Variants in AP1G1 observed in about 807,000 individuals in gnomAD.
AP1G1 encodes adaptor related protein complex 1 subunit gamma 1.
A neutral mutation model predicts 108.3 loss-of-function variants in AP1G1; 7 were observed. The observed-to-expected ratio is 0.06, with a 90% CI of 0.04 to 0.12. The LOEUF (loss-of-function observed/expected upper bound fraction) is 0.12, where lower values mean the gene tolerates loss of function less well. Among genes scored for constraint, AP1G1 ranks in the 10% least tolerant of loss-of-function variants. The pLI is 1.00. For missense variants in AP1G1, 756 were observed against 1,010.7 expected, an observed-to-expected ratio of 0.75 and a Z score of 3.42; for synonymous variants, 379 against 353.5, an observed-to-expected ratio of 1.07 and a Z score of -0.81.
intron 1 of AP1G1, among the ~76,000 whole-genome samples, chr16:71,804,421 T>C (rs1305068305): frequency 6.7e-6 from 1 of 149,386 alleles, no homozygotes; most frequent in Non-Finnish European, 1.5e-5. Flanking sequence ...TTTTTTTTTT[T>C]TTTTTGAGAC....
intron 1 of AP1G1, among the ~76,000 whole-genome samples, chr16:71,797,964 T>C (rs2032644541): frequency 6.6e-6 from 1 of 152,110 alleles, no homozygotes; most frequent in Non-Finnish European, 1.5e-5. Flanking sequence ...TGATATTAAC[T>C]AGTTAGAAAT....
chr16:71,754,685 C>A (rs2030685410), intron 12 of AP1G1, among the ~76,000 whole-genome samples: 1 of 152,072 alleles, frequency 6.6e-6, no homozygotes, highest in Non-Finnish European at 1.5e-5. Flanking sequence ...GCTACAGTCC[C>A]AGCTACTCAG....
chr16:71,741,791 A>C (rs1267231757), intron 19 of AP1G1, among the ~76,000 whole-genome samples: 1 of 152,220 alleles, frequency 6.6e-6, no homozygotes, highest in Non-Finnish European at 1.5e-5. Flanking sequence ...CCATTTTCAA[A>C]ACAATTTTAG....
chr16:71,756,303 G>A (rs567512023), intron 11 of AP1G1, 144 bp from the exon 12 acceptor site: 31 of 623,018 alleles, frequency 5.0e-5, no homozygotes, highest in Admixed American at 3.3e-4. Context: ...CTTTGCACAC[G>A]AAATAACCAA....
chr16:71,808,134 G>A (rs1399664352), intron 1 of AP1G1: 10 of 1,150,228 alleles, frequency 8.7e-6, no homozygotes, highest in African/African-American at 1.6e-5. Context: ...AGACGCTGAC[G>A]TCCGCAGGGC....
intron 11 of AP1G1, among the ~76,000 whole-genome samples, chr16:71,757,824 T>C (rs952920964): frequency 2.0e-5 from 3 of 151,782 alleles, no homozygotes; most frequent in African/African-American, 7.3e-5. Context: ...ACAAAAAGAG[T>C]CAGAAGGCTA....
At chr16:71,789,587 A>G in intron 1 of AP1G1, 105 bp from the exon 2 acceptor site, 1 of 1,178,096 alleles carries the variant, frequency 8.5e-7, no homozygotes, top group East Asian at 2.5e-5. Context: ...AGAATTCAAG[A>G]CTTGCCAAAT....
chr16:71,791,281 A>G (rs1649062602), intron 1 of AP1G1, among the ~76,000 whole-genome samples: 1 of 152,070 alleles, frequency 6.6e-6, no homozygotes, highest in South Asian at 2.1e-4. Flanking sequence ...CTGTAAAACA[A>G]TAAACCAGAA....
chr16:71,736,117 A>AAAAAAAAAAAAAT (rs1555550846), intron 21 of AP1G1, among the ~76,000 whole-genome samples: 59 of 71,632 alleles, frequency 8.2e-4, no homozygotes, highest in South Asian at 2.1e-3. Flanking sequence ...AAAAAAAAAA[A>AAAAAAAAAAAAAT]ATATATATAT....
chr16:71,792,791 T>C (rs1016286929), intron 1 of AP1G1, among the ~76,000 whole-genome samples: 30 of 150,798 alleles, frequency 2.0e-4, no homozygotes, highest in African/African-American at 7.3e-4. Flanking sequence ...GAAGTGGAGA[T>C]TGCAGTGAGT....
At chr16:71,766,384 C>A (rs2031314287) in intron 6 of AP1G1, 2 of 465,498 alleles carry the variant, frequency 4.3e-6, no homozygotes, top group East Asian at 7.0e-5. Flanking sequence ...AGTCCTAACA[C>A]ATAGTAAAGG....
At chr16:71,771,518 T>A (rs1436604416) in intron 4 of AP1G1, among the ~76,000 whole-genome samples, 1 of 152,148 alleles carries the variant, frequency 6.6e-6, no homozygotes, top group Non-Finnish European at 1.5e-5. Context: ...AGAACCTGCC[T>A]CTATTTAAAA....
At chr16:71,733,307 AC>A in intron 22 of AP1G1, 148 bp from the exon 23 acceptor site, 1 of 638,886 alleles carries the variant, frequency 1.6e-6, no homozygotes, top group Non-Finnish European at 2.7e-6. Flanking sequence ...AACAAAAAAC[AC>A]CCAGTACTCT....
At chr16:71,773,064 G>T (rs777532316) in intron 4 of AP1G1, 157 bp downstream of exon 4, 5 of 825,762 alleles carry the variant, frequency 6.1e-6, no homozygotes, top group Non-Finnish European at 9.9e-6. Flanking sequence ...CTTAAGAAAA[G>T]AGGAATTAAG....
intron 6 of AP1G1, 22 bp from the exon 7 acceptor site, chr16:71,765,606 C>CA (rs555888385): frequency 4.4e-5 from 68 of 1,559,254 alleles, no homozygotes; most frequent in Non-Finnish European, 5.8e-5. Flanking sequence ...AAAGATGCAT[C>CA]AAAAAACAGT....
chr16:71,729,572 T>C lies in AP1G1; in HGVS notation c.*3486A>G, dbSNP rs1198636882. On this transcript the variant is annotated 3_prime_UTR_variant, in exon 23 of 23. Transcript: ENST00000299980. ...GTTCCAGGTCCTGGAACCCTGTCGA[T>C]GGGACCCACTCACTGATATTGCTTG... 6.6e-6 allele frequency: 1 copy of C among 152,620 alleles called. No homozygotes were observed. Among genetic ancestry groups the C allele is most frequent in the Non-Finnish European group, 1.5e-5 (1 of 68,042 alleles). The allele number at this position is 152,620 out of a possible 1,614,324, so 9.5% of individuals were successfully genotyped here. A position where few individuals can be genotyped will look rare whatever the true frequency, so the allele number is the denominator to read the frequency against.
chr16:71,771,802 AC>A (rs2031582324), intron 4 of AP1G1, among the ~76,000 whole-genome samples: 1 of 152,228 alleles, frequency 6.6e-6, no homozygotes, highest in African/African-American at 2.4e-5. Flanking sequence ...GCCTATAAAA[AC>A]ATCACACAAC....
At chr16:71,749,339 T>C (rs185880284) in intron 15 of AP1G1, among the ~76,000 whole-genome samples, 1 of 151,860 alleles carries the variant, frequency 6.6e-6, no homozygotes, top group Admixed American at 6.5e-5. Flanking sequence ...TAGAATAAAC[T>C]AGCCAGGGTG....
At chr16:71,765,637 T>G in intron 6 of AP1G1, 53 bp from the exon 7 acceptor site, 2 of 1,427,382 alleles carry the variant, frequency 1.4e-6, no homozygotes, top group Non-Finnish European at 2.0e-6. Context: ...GAATGTCTCA[T>G]GAATAAGCAG....
Sources: allele counts gnomAD v4.1 joint callset (sites outside exome capture counted in the v4.1 genomes callset), GRCh38; gene constraint gnomAD v4.1.1; transcripts MANE v1.5; gene names NCBI Gene and HGNC (gene_info 2026-07-23, HGNC 2026-07-21).